Variants in FHAD1 observed in about 807,000 individuals in gnomAD.
The protein encoded by FHAD1 is forkhead-associated domain-containing protein 1.
In FHAD1, 146 loss-of-function variants were observed where a neutral mutation model predicts 191.3. The observed-to-expected ratio is 0.76, with a 90% CI of 0.67 to 0.88. The LOEUF (loss-of-function observed/expected upper bound fraction) is 0.88, where lower values mean the gene tolerates loss of function less well. FHAD1 is among the 40% of genes least tolerant of loss of function. The probability of loss-of-function intolerance (pLI) is 0.00; values close to 1 mark genes in which losing one functional copy is unlikely to be tolerated. For synonymous variants in FHAD1, 616 were observed against 672.3 expected, an observed-to-expected ratio of 0.92 and a Z score of 1.29; for missense variants, 1,635 against 1,785.8, an observed-to-expected ratio of 0.92 and a Z score of 1.52.
intron 26 of FHAD1, among the ~76,000 whole-genome samples, chr1:15,370,367 AT>A (rs565152869): frequency 1.1e-3 from 174 of 152,356 alleles, no homozygotes; most frequent in African/African-American, 3.9e-3. Context: ...ACATAACAGT[AT>A]TTAATGGGCA....
chr1:15,391,606 G>A (rs371859810), intron 33 of FHAD1, among the ~76,000 whole-genome samples: 1 of 152,244 alleles, frequency 6.6e-6, no homozygotes, highest in African/African-American at 2.4e-5. Flanking sequence ...TTTGCAGAAA[G>A]TAGAGGCAAG....
At chr1:15,383,962 A>ATG in intron 31 of FHAD1, 1 of 381,050 alleles carries the variant, frequency 2.6e-6, no homozygotes, top group South Asian at 1.9e-5. Context: ...GTCAGCTTTT[A>ATG]TGTGTGTGTG....
chr1:15,247,854 T>A (rs1311443392), intron 1 of FHAD1, among the ~76,000 whole-genome samples: 1 of 152,238 alleles, frequency 6.6e-6, no homozygotes, highest in East Asian at 1.9e-4. Flanking sequence ...ATCTCACTTG[T>A]GACCTATAAG....
intron 7 of FHAD1, among the ~76,000 whole-genome samples, chr1:15,310,282 G>A (rs1030349430): frequency 3.9e-5 from 6 of 152,184 alleles, no homozygotes; most frequent in African/African-American, 1.2e-4. Flanking sequence ...CCGCCTGGCC[G>A]TGGCTTTCCC....
chr1:15,259,570 G>A (rs1423424206), intron 2 of FHAD1, among the ~76,000 whole-genome samples: 1 of 152,198 alleles, frequency 6.6e-6, no homozygotes, highest in African/African-American at 2.4e-5. Flanking sequence ...ATAATCGGTA[G>A]TGGGAAATCC....
downstream of FHAD1, among the ~76,000 whole-genome samples, chr1:15,400,742 T>C (rs1707087817): frequency 6.6e-6 from 1 of 152,238 alleles, no homozygotes; most frequent in South Asian, 2.1e-4. Flanking sequence ...TGCCACGCTT[T>C]GTCTCTGCTC....
chr1:15,304,640 G>A (rs964144150), intron 6 of FHAD1, among the ~76,000 whole-genome samples: 1 of 152,154 alleles, frequency 6.6e-6, no homozygotes, highest in Admixed American at 6.5e-5. Context: ...ACAGAAAACA[G>A]GAAGAGGTGA....
At chr1:15,314,614 G>GGTGT (rs1673429201) in intron 8 of FHAD1, 4 of 105,636 alleles carry the variant, frequency 3.8e-5, no homozygotes, top group Admixed American at 1.0e-4. Context: ...TGGGTATGTG[G>GGTGT]GTGTGGGTGT....
At chr1:15,274,452 CA>C (rs568010093) in intron 3 of FHAD1, among the ~76,000 whole-genome samples, 13 of 147,988 alleles carry the variant, frequency 8.8e-5, no homozygotes, top group East Asian at 4.0e-4. Flanking sequence ...TACTGAAATA[CA>C]AAAAAAAAAT....
Position 15,367,522 on chromosome 1 carries a change from C to T in FHAD1, c.3214C>T (p.Gln1072Ter). Residue 1072 changes from glutamine (Q) to a stop codon, truncating the protein, a stop_gained, in exon 25 of 34, where the codon CAG (glutamine) becomes TAG (stop). Coordinates refer to ENST00000688493, the MANE Select transcript of FHAD1 (RefSeq NM_001391957.1). LOFTEE classifies it high-confidence loss of function. ...GCAGAACGTGGTGCTGGTCCAGCAG[C>T]AGAGCAAGGAGCTGAGTGTGCTCAA... is the stretch of plus-strand genomic sequence containing the variant. ...LEQNVVLVQQ[Q>*]SKELSVLKEK... The T allele has an allele frequency of 2.6e-6, 4 of 1,550,542 alleles. No homozygotes were observed. In the South Asian group the frequency reaches 4.8e-5, roughly 18 times the overall value.
intron 26 of FHAD1, among the ~76,000 whole-genome samples, chr1:15,373,885 C>T (rs576940272): frequency 1.3e-5 from 2 of 152,180 alleles, no homozygotes; most frequent in East Asian, 3.9e-4. Flanking sequence ...AAAACACACA[C>T]GCACAAAAAA....
chr1:15,252,577 C>T (rs1454651139), intron 2 of FHAD1, among the ~76,000 whole-genome samples: 1 of 152,210 alleles, frequency 6.6e-6, no homozygotes, highest in Non-Finnish European at 1.5e-5. Context: ...GAGTCGAGTG[C>T]CACCTCCTAC....
At chr1:15,391,075 G>T in intron 32 of FHAD1, 135 bp from the exon 33 acceptor site, 1 of 293,350 alleles carries the variant, frequency 3.4e-6, no homozygotes, top group Non-Finnish European at 6.4e-6. Flanking sequence ...CTACCTGTTT[G>T]GAATGCTGTC....
In FHAD1 at chr1:15,272,341, C is replaced by G. The variant is rs1656432375; in HGVS notation, c.112C>G (p.His38Asp). ...GTTGCAGTCTCCTGACATCGACAACCACCATGCACTCATTGAATATAACGA... is the reference window on the plus strand; with the variant it reads ...GTTGCAGTCTCCTGACATCGACAACGACCATGCACTCATTGAATATAACGA... ...LVLQSPDIDN[H>D]HALIEYNEAE... The change falls in exon 3 of 34, where the codon CAC (histidine) becomes GAC (aspartate). Residue 38 changes from histidine to aspartate, a missense_variant. Coordinates refer to ENST00000688493, the MANE Select transcript of FHAD1 (RefSeq NM_001391957.1). 1 of 1,551,000 alleles carries G rather than the reference C, an allele frequency of 6.4e-7. No individual in the cohort carries two copies. The highest frequency in any genetic ancestry group is 8.7e-7 in the Non-Finnish European group (1 of 1,146,370).
intron 4 of FHAD1, among the ~76,000 whole-genome samples, chr1:15,293,781 A>G (rs549522239): frequency 6.6e-6 from 1 of 152,328 alleles, no homozygotes; most frequent in Admixed American, 6.5e-5. Flanking sequence ...GTCACATTCC[A>G]TGGATGTATC....
chr1:15,322,686 A>G (rs1676706093), intron 10 of FHAD1, among the ~76,000 whole-genome samples: 1 of 152,226 alleles, frequency 6.6e-6, no homozygotes. Flanking sequence ...AGAGCACTTC[A>G]TCATTGCAGA....
intron 18 of FHAD1, among the ~76,000 whole-genome samples, chr1:15,347,432 CCCAGCCACAGGCT>C (rs1247212038): frequency 1.3e-5 from 2 of 152,176 alleles, no homozygotes; most frequent in African/African-American, 2.4e-5. Context: ...AAAGAGCAGC[CCCAGCCACAGGCT>C]CCATTCAACT....
chr1:15,255,120 T>TAAAAAAAAA (rs55969718), intron 2 of FHAD1, among the ~76,000 whole-genome samples: 30 of 147,850 alleles, frequency 2.0e-4, no homozygotes, highest in South Asian at 8.5e-4. Context: ...TCAGGAATCT[T>TAAAAAAAAA]AAAAAAGTCA....
chr1:15,278,821 A>C (rs1304185382), intron 3 of FHAD1, among the ~76,000 whole-genome samples: 1 of 152,188 alleles, frequency 6.6e-6, no homozygotes, highest in Admixed American at 6.5e-5. Flanking sequence ...ATGTATATGC[A>C]TTTGCATATA....
Sources: gnomAD v4.1 joint callset for allele counts (sites outside exome capture counted in the v4.1 genomes callset) on GRCh38, gnomAD v4.1.1 for gene constraint, MANE v1.5 for transcripts, NCBI Gene and HGNC (gene_info 2026-07-23, HGNC 2026-07-21) for gene names.